Variants in TEC observed in about 807,000 individuals in gnomAD.
TEC encodes the protein tec protein tyrosine kinase, also known as tyrosine-protein kinase Tec.
In TEC, 72 loss-of-function variants were observed where a neutral mutation model predicts 93.0. That is an observed-to-expected ratio of 0.77 (90% CI 0.64 to 0.94). TEC has a LOEUF of 0.94. Ranked by LOEUF, TEC falls within the 40% of genes least tolerant of loss-of-function variation. The probability of loss-of-function intolerance (pLI) is 0.00; values close to 1 mark genes in which losing one functional copy is unlikely to be tolerated. For missense variants in TEC, 630 were observed against 757.9 expected (o/e 0.83, Z 1.98); for synonymous variants, 249 against 247.7 (o/e 1.01, Z -0.05).
intron 1 of TEC, among the ~76,000 whole-genome samples, chr4:48,240,411 C>T (rs904672259): frequency 1.8e-4 from 28 of 152,088 alleles, no homozygotes; most frequent in African/African-American, 6.3e-4. Flanking sequence ...GGCTCACCTT[C>T]CCCAAGGACC....
At chr4:48,255,161 A>C (rs1724307428) in intron 1 of TEC, among the ~76,000 whole-genome samples, 1 of 152,200 alleles carries the variant, frequency 6.6e-6, no homozygotes, top group Admixed American at 6.5e-5. Context: ...CCTGCACTTC[A>C]AACAATGCTG....
chr4:48,262,311 C>T (rs1724517196), intron 1 of TEC, among the ~76,000 whole-genome samples: 1 of 147,946 alleles, frequency 6.8e-6, no homozygotes, highest in African/African-American at 2.5e-5. Context: ...ATTCTCCTGC[C>T]TCAGCCTCCC....
intron 1 of TEC, among the ~76,000 whole-genome samples, chr4:48,256,719 A>G (rs1724356508): frequency 6.6e-6 from 1 of 152,090 alleles, no homozygotes; most frequent in Non-Finnish European, 1.5e-5. Context: ...CACTGGGTCT[A>G]CAATATAAAT....
At chr4:48,140,339 A>G (rs529805820) in intron 15 of TEC, among the ~76,000 whole-genome samples, 6 of 152,188 alleles carry the variant, frequency 3.9e-5, no homozygotes, top group African/African-American at 1.2e-4. Flanking sequence ...TTCCTACCTG[A>G]AATAGTTTAT....
At chr4:48,181,264 G>A (rs1280614110) in intron 2 of TEC, among the ~76,000 whole-genome samples, 2 of 152,086 alleles carry the variant, frequency 1.3e-5, no homozygotes, top group Non-Finnish European at 2.9e-5. Context: ...AATGCTTAGC[G>A]CCATCTTTAT....
intron 2 of TEC, among the ~76,000 whole-genome samples, chr4:48,185,644 A>G (rs896562802): frequency 6.6e-6 from 1 of 152,266 alleles, no homozygotes; most frequent in East Asian, 1.9e-4. Flanking sequence ...ACATATTAAG[A>G]AACCAGTAAT....
intron 14 of TEC, among the ~76,000 whole-genome samples, chr4:48,144,090 C>A (rs1719799145): frequency 6.6e-6 from 1 of 152,026 alleles, no homozygotes; most frequent in African/African-American, 2.4e-5. Context: ...GTGGCACGTG[C>A]CTATAGTCTC....
At chr4:48,264,827 G>C (rs1270576547) in intron 1 of TEC, among the ~76,000 whole-genome samples, 1 of 151,800 alleles carries the variant, frequency 6.6e-6, no homozygotes, top group South Asian at 2.1e-4. Flanking sequence ...TAGTAGAGAC[G>C]AGGGTTTCAC....
At chr4:48,179,338 G>GTATATATATATATATA (rs61241595) in intron 2 of TEC, among the ~76,000 whole-genome samples, 7 of 51,654 alleles carry the variant, frequency 1.4e-4, no homozygotes, top group South Asian at 8.0e-4. Flanking sequence ...GACGTGGGTA[G>GTATATATATATATATA]TATATATATA....
At chr4:48,146,297 G>A in intron 12 of TEC, 28 bp downstream of exon 12, 1 of 1,603,300 alleles carries the variant, frequency 6.2e-7, no homozygotes, top group South Asian at 1.1e-5. Flanking sequence ...AGGAAAATTA[G>A]CTCATGCAAC....
Position 48,169,898 on chromosome 4 carries a change from T to A in TEC, c.454+350A>T, listed in dbSNP as rs1721031877. On this transcript the variant is annotated intron_variant, in intron 5 of 17. Transcript: ENST00000381501. ...AATGAGAACAGCCCTAATCAGACTG[T>A]GGATGCACTGCTACATGAGGTTTCT... Among the ~76,000 whole-genome samples the A allele has an allele frequency of 2.0e-5, 3 of 152,206 alleles. No homozygotes were observed. In the South Asian group the frequency reaches 6.2e-4, roughly 32 times the overall value.
chr4:48,265,515 A>ATTTTTT (rs71189199), intron 1 of TEC, among the ~76,000 whole-genome samples: 1 of 129,184 alleles, frequency 7.7e-6, no homozygotes, highest in African/African-American at 2.8e-5. Context: ...ATATATATAT[A>ATTTTTT]TTTTTTTTTT....
At chr4:48,226,653 T>G (rs1379032643) in intron 2 of TEC, among the ~76,000 whole-genome samples, 2 of 152,212 alleles carry the variant, frequency 1.3e-5, no homozygotes, top group Non-Finnish European at 2.9e-5. Flanking sequence ...GGTAACCTAC[T>G]GTTCATGTCC....
intron 9 of TEC, chr4:48,155,703 G>C (rs1340522005): frequency 2.6e-5 from 4 of 152,122 alleles, no homozygotes; most frequent in Admixed American, 6.6e-5. Flanking sequence ...TCATGAGCAG[G>C]GGGCTTCTCT....
At chr4:48,220,492 G>T (rs536375495) in intron 2 of TEC, among the ~76,000 whole-genome samples, 58 of 151,978 alleles carry the variant, frequency 3.8e-4, no homozygotes, top group South Asian at 8.3e-4. Context: ...AAAAGAGTAT[G>T]GCATCTCTCT....
At chr4:48,200,170 T>C (rs564126098) in intron 2 of TEC, among the ~76,000 whole-genome samples, 1 of 152,062 alleles carries the variant, frequency 6.6e-6, no homozygotes, top group Non-Finnish European at 1.5e-5. Flanking sequence ...AAGTTAGCCA[T>C]TCAAGGGAGG....
At chr4:48,228,330 C>T (rs1723543754) in intron 2 of TEC, 147 bp downstream of exon 2, 1 of 853,492 alleles carries the variant, frequency 1.2e-6, no homozygotes, top group Non-Finnish European at 1.7e-6. Context: ...TCTATCCATA[C>T]TCTGAAATTC....
intron 17 of TEC, 87 bp from the exon 18 acceptor site, chr4:48,137,586 T>C: frequency 9.2e-7 from 1 of 1,087,792 alleles, no homozygotes; most frequent in Non-Finnish European, 1.4e-6. Flanking sequence ...ACACAGCATA[T>C]TACAGAGAGA....
At position 48,187,040 on chromosome 4, in the gene TEC, G is replaced by C. The variant is rs558272347; in HGVS notation, c.139-10854C>G. On this transcript the variant is annotated intron_variant, in intron 2 of 17. Coordinates refer to ENST00000381501, the MANE Select transcript of TEC (RefSeq NM_003215.3). ...GAGAGATCAGATTGTTACTGTGTCT[G>C]TGTAGAAAGAAGTAGACCTGGGAGA... Among the ~76,000 whole-genome samples the C allele has an allele frequency of 4.6e-5, 7 of 152,396 alleles. No homozygotes were observed. In the East Asian group the frequency reaches 1.2e-3, roughly 25 times the overall value.
Sources: allele counts gnomAD v4.1 joint callset (sites outside exome capture counted in the v4.1 genomes callset), GRCh38; gene constraint gnomAD v4.1.1; transcripts MANE v1.5; gene names NCBI Gene and HGNC (gene_info 2026-07-23, HGNC 2026-07-21).